Variants in SERAC1 observed in about 807,000 individuals in gnomAD.
SERAC1 encodes the protein protein SERAC1.
A neutral mutation model predicts 85.7 loss-of-function variants in SERAC1; 36 were observed. The observed-to-expected ratio is 0.42, with a 90% CI of 0.32 to 0.55. The LOEUF (loss-of-function observed/expected upper bound fraction) is 0.55, where lower values mean the gene tolerates loss of function less well. Ranked by LOEUF, SERAC1 falls within the 20% of genes least tolerant of loss-of-function variation. SERAC1 has a pLI of 0.11. For synonymous variants in SERAC1, 242 were observed against 265.3 expected, an observed-to-expected ratio of 0.91 and a Z score of 0.85; for missense variants, 629 against 796.2, an observed-to-expected ratio of 0.79 and a Z score of 2.53.
At chr6:158,157,364 A>C (rs528047562) in intron 2 of SERAC1, among the ~76,000 whole-genome samples, 12 of 152,320 alleles carry the variant, frequency 7.9e-5, no homozygotes, top group Admixed American at 7.2e-4. Context: ...TGCTGCCAAA[A>C]TGACATTTGT....
intron 13 of SERAC1, 42 bp from the exon 14 acceptor site, chr6:158,116,324 A>G (rs1480329859): frequency 2.1e-5 from 31 of 1,498,332 alleles, no homozygotes; most frequent in Non-Finnish European, 2.6e-5. Context: ...AAGGCTATCG[A>G]TCCCCTCAAT....
intron 1 of SERAC1, among the ~76,000 whole-genome samples, chr6:158,159,455 C>T (rs946213833): frequency 6.1e-5 from 9 of 148,412 alleles, no homozygotes; most frequent in South Asian, 2.2e-4. Context: ...GCTGAGATTG[C>T]GCCACTGTAC....
intron 1 of SERAC1, chr6:158,158,603 CAT>C (rs1469465396): frequency 5.9e-6 from 2 of 336,540 alleles, no homozygotes; most frequent in East Asian, 5.2e-5. Context: ...TCCAATTGTG[CAT>C]AGTTTTCACA....
rs1784111899 is a variant in SERAC1, at chr6:158,110,199, AC to A, written c.*1166del. 6.6e-6 allele frequency: 1 copy of A among 152,102 alleles called. No homozygotes were observed. Among genetic ancestry groups the A allele is most frequent in the Non-Finnish European group, 1.5e-5 (1 of 68,030 alleles). 9.4% of individuals were successfully genotyped at this position (152,102 alleles called of 1,614,324 possible). ...TTTGAGACCTGGGCAACACAGTGAG[AC>A]CCTGTCTCTACAAAAAAGTATTTAT... On this transcript the variant is annotated 3_prime_UTR_variant, in exon 17 of 17. Coordinates refer to ENST00000647468, the MANE Select transcript of SERAC1 (RefSeq NM_032861.4).
intron 7 of SERAC1, among the ~76,000 whole-genome samples, chr6:158,144,073 T>C (rs760097335): frequency 2.0e-5 from 3 of 152,202 alleles, no homozygotes; most frequent in Non-Finnish European, 2.9e-5. Context: ...CAATGGTTTA[T>C]AGAGACTCCA....
At chr6:158,115,063 A>C (rs1361136743) in intron 14 of SERAC1, 92 bp from the exon 15 acceptor site, 1 of 1,307,464 alleles carries the variant, frequency 7.6e-7, no homozygotes, top group Non-Finnish European at 1.0e-6. Context: ...AGAAATACAT[A>C]AAAAGAGATG....
At chr6:158,118,236 T>C (rs1562434392) in intron 12 of SERAC1, among the ~76,000 whole-genome samples, 1 of 152,186 alleles carries the variant, frequency 6.6e-6, no homozygotes, top group Non-Finnish European at 1.5e-5. Context: ...CTGTATACCC[T>C]AGGTCTATCA....
intron 10 of SERAC1, among the ~76,000 whole-genome samples, chr6:158,122,108 T>G (rs1784435872): frequency 6.6e-6 from 1 of 152,224 alleles, no homozygotes; most frequent in Admixed American, 6.5e-5. Flanking sequence ...TTTCCCATTG[T>G]GTTACAACTG....
chr6:158,147,382 C>T (rs561583721), intron 5 of SERAC1, among the ~76,000 whole-genome samples: 19 of 151,412 alleles, frequency 1.3e-4, no homozygotes, highest in South Asian at 6.3e-4. Context: ...TTTGTATATT[C>T]TGGTGTCTTT....
chr6:158,116,452 C>T, intron 13 of SERAC1, 170 bp from the exon 14 acceptor site: 1 of 569,898 alleles, frequency 1.8e-6, no homozygotes, highest in Non-Finnish European at 3.1e-6. Context: ...CCTATTCTCT[C>T]TTATTGAACT....
At chr6:158,166,997 A>C (rs1785613217) in intron 1 of SERAC1, among the ~76,000 whole-genome samples, 1 of 152,090 alleles carries the variant, frequency 6.6e-6, no homozygotes, top group Non-Finnish European at 1.5e-5. Context: ...GACACACATC[A>C]AGTGCACAAA....
Position 158,150,495 on chromosome 6 carries a change from T to C in SERAC1, c.223A>G (p.Ile75Val). The change falls in exon 4 of 17, where the codon ATA (isoleucine) becomes GTA (valine). Residue 75 changes from isoleucine to valine, a missense_variant. Ile to Val is a conservative substitution (Grantham distance 29, BLOSUM62 3). Transcript: ENST00000647468. Reference protein sequence around the residue: ...VVEREKMKSYIYVHTVSLDKG... With the variant: ...VVEREKMKSYVYVHTVSLDKG... Reference sequence around the variant, plus strand: ...TCTAAAGAAACTGTGTGCACATATATATATGACTTCATTTTTTCTCGTTCT... The same window carrying C: ...TCTAAAGAAACTGTGTGCACATATACATATGACTTCATTTTTTCTCGTTCT... 1 of 1,581,140 alleles carries C rather than the reference T, an allele frequency of 6.3e-7. No individual in the cohort carries two copies. Among genetic ancestry groups the C allele is most frequent in the Non-Finnish European group, 8.7e-7 (1 of 1,150,952 alleles).
Position 158,144,412 on chromosome 6 carries a change from A to C in SERAC1, c.496T>G (p.Tyr166Asp). The C allele has an allele frequency of 6.3e-7, 1 of 1,580,908 alleles. No individual in the cohort carries two copies. The highest frequency in any genetic ancestry group is 8.6e-7 in the Non-Finnish European group (1 of 1,160,752). ...TCACAGGCTTGAGCAATTATCCTAT[A>C]CTGGTAATCTATTGAAAAAGCATTT... The part of the protein sequence containing the change: ...SETHHWHDYQ[Y>D]RIIAQACDPK... The change falls in exon 7 of 17, where the codon TAT becomes GAT. Residue 166 changes from tyrosine (Y) to aspartate (D), a missense_variant. Tyr to Asp is a radical substitution (Grantham distance 160). Transcript: ENST00000647468.
intron 7 of SERAC1, 115 bp from the exon 8 acceptor site, chr6:158,143,299 G>A: frequency 2.0e-6 from 2 of 984,848 alleles, no homozygotes; most frequent in Non-Finnish European, 1.4e-6. Flanking sequence ...TATATTATGT[G>A]TGCATGTCTC....
chr6:158,138,285 A>G (rs1014935121), intron 8 of SERAC1, among the ~76,000 whole-genome samples: 2 of 152,050 alleles, frequency 1.3e-5, no homozygotes, highest in East Asian at 3.9e-4. Flanking sequence ...ATACAAAAAA[A>G]TTAGCCTAGT....
At chr6:158,156,027 T>C (rs535210184) in intron 2 of SERAC1, among the ~76,000 whole-genome samples, 8 of 152,132 alleles carry the variant, frequency 5.3e-5, no homozygotes, top group African/African-American at 1.9e-4. Context: ...CGCATGCCTG[T>C]AATCCCAGCT....
At chr6:158,158,178 A>G (rs1785401703) in intron 2 of SERAC1, 95 bp downstream of exon 2, 1 of 826,426 alleles carries the variant, frequency 1.2e-6, no homozygotes, top group Non-Finnish European at 2.0e-6. Context: ...AGATTTAATC[A>G]TGGGTTCAAA....
intron 1 of SERAC1, among the ~76,000 whole-genome samples, chr6:158,164,257 C>T (rs1432073643): frequency 1.3e-5 from 2 of 151,854 alleles, no homozygotes; most frequent in South Asian, 2.1e-4. Flanking sequence ...AGGAGGATCA[C>T]GAGGTCAGGA....
Position 158,158,673 on chromosome 6 carries a change from T to G in SERAC1, c.-1-309A>C, listed in dbSNP as rs1583610658. The G allele has an allele frequency of 2.7e-5, 6 of 221,494 alleles. No homozygotes were observed. In the South Asian group the frequency reaches 4.6e-4, roughly 17 times the overall value. 13.7% of individuals were successfully genotyped at this position (221,494 alleles called of 1,614,324 possible). On this transcript the variant is annotated intron_variant, in intron 1 of 16. Coordinates refer to ENST00000647468, the MANE Select transcript of SERAC1 (RefSeq NM_032861.4). Reference sequence around the variant, plus strand: ...TTCCCAGAACACAAGAATTAAACGGTAACAAGAATAGACAGACTATTAATC... The same window carrying G: ...TTCCCAGAACACAAGAATTAAACGGGAACAAGAATAGACAGACTATTAATC...
Sources: gnomAD v4.1 joint callset for allele counts (sites outside exome capture counted in the v4.1 genomes callset) on GRCh38, gnomAD v4.1.1 for gene constraint, MANE v1.5 for transcripts, NCBI Gene and HGNC (gene_info 2026-07-23, HGNC 2026-07-21) for gene names.